OR9Q1: variants seen among roughly 807,000 people sequenced by gnomAD.
OR9Q1 encodes the protein olfactory receptor family 9 subfamily Q member 1.
For missense variants in OR9Q1, 374 were observed against 378.8 expected (o/e 0.99, Z 0.11); for synonymous variants, 153 against 148.6 (o/e 1.03, Z -0.22).
At chr11:58,053,728 A>T (rs1252202276) in intron 1 of OR9Q1, among the ~76,000 whole-genome samples, 1 of 137,958 alleles carries the variant, frequency 7.2e-6, no homozygotes, top group African/African-American at 2.5e-5. Context: ...GTATCTTTTC[A>T]GTGTATTCTA....
At chr11:58,172,137 C>T (rs766807680) in intron 2 of OR9Q1, among the ~76,000 whole-genome samples, 53 of 152,038 alleles carry the variant, frequency 3.5e-4, no homozygotes, top group Non-Finnish European at 7.2e-4. Flanking sequence ...TCCTGTATTT[C>T]CTTATATGAT....
At chr11:58,128,715 C>G (rs1854113047) in intron 2 of OR9Q1, among the ~76,000 whole-genome samples, 1 of 151,646 alleles carries the variant, frequency 6.6e-6, no homozygotes. Flanking sequence ...TTTTTTAAAC[C>G]TAAAAATACA....
At chr11:58,141,213 C>T (rs1430379783) in intron 2 of OR9Q1, among the ~76,000 whole-genome samples, 1 of 152,042 alleles carries the variant, frequency 6.6e-6, no homozygotes, top group Non-Finnish European at 1.5e-5. Flanking sequence ...CCTTTATTTC[C>T]TTCTCCTGCC....
intron 1 of OR9Q1, among the ~76,000 whole-genome samples, chr11:58,048,242 T>A (rs1425081780): frequency 2.6e-5 from 4 of 152,066 alleles, no homozygotes; most frequent in African/African-American, 9.7e-5. Context: ...CACAAAGAAG[T>A]GTGGCTGATA....
intron 2 of OR9Q1, among the ~76,000 whole-genome samples, chr11:58,092,930 G>T (rs574828751): frequency 2.0e-5 from 3 of 152,156 alleles, no homozygotes; most frequent in Non-Finnish European, 4.4e-5. Flanking sequence ...TGGATTAGAG[G>T]CAGGAAAGCA....
intron 2 of OR9Q1, among the ~76,000 whole-genome samples, chr11:58,137,058 G>A (rs958907169): frequency 1.3e-5 from 2 of 152,162 alleles, no homozygotes. Flanking sequence ...ACTGTTATTG[G>A]GCTAATGCAG....
Position 58,118,641 on chromosome 11 carries a change from C to T in OR9Q1, c.-14-60790C>T, listed in dbSNP as rs755627423. 5.6e-6 allele frequency: 9 copies of T among 1,613,916 alleles called. No individual in the cohort carries two copies. The Middle Eastern group carries it at 5.0e-4, about 89-fold the overall frequency. On this transcript the variant is annotated intron_variant, in intron 2 of 2. Transcript: ENST00000335397. Reference sequence around the variant, plus strand: ...AGACAGACACGACTTTGTCTTCCTCCAGAGATTTGCCTGAGCCACTTTGCA... The same window carrying T: ...AGACAGACACGACTTTGTCTTCCTCTAGAGATTTGCCTGAGCCACTTTGCA...
intron 2 of OR9Q1, among the ~76,000 whole-genome samples, chr11:58,079,289 A>G (rs561717583): frequency 6.6e-6 from 1 of 150,846 alleles, no homozygotes; most frequent in African/African-American, 2.4e-5. Flanking sequence ...TCTCAATTTT[A>G]GGGCTTTGCA....
intron 1 of OR9Q1, among the ~76,000 whole-genome samples, chr11:58,046,160 A>C (rs1853214249): frequency 6.6e-6 from 1 of 152,196 alleles, no homozygotes; most frequent in African/African-American, 2.4e-5. Context: ...AGATACCTGA[A>C]ACAGTACTGA....
chr11:58,172,277 A>G (rs1477919524), intron 2 of OR9Q1, among the ~76,000 whole-genome samples: 1 of 152,130 alleles, frequency 6.6e-6, no homozygotes, highest in Non-Finnish European at 1.5e-5. Flanking sequence ...TGGTCATCAC[A>G]ATTATTATTA....
At chr11:58,047,389 G>A in intron 1 of OR9Q1, 1 of 152,202 alleles carries the variant, frequency 6.6e-6, no homozygotes, top group East Asian at 1.9e-4. Flanking sequence ...AAGGTGCTCT[G>A]AAGTCAAAGT....
At chr11:58,084,730 A>G (rs142856033) in intron 2 of OR9Q1, among the ~76,000 whole-genome samples, 2 of 151,936 alleles carry the variant, frequency 1.3e-5, no homozygotes, top group Admixed American at 6.6e-5. Context: ...AGCTTTCTAT[A>G]AAATGCAACA....
chr11:58,113,338 G>C (rs1383647277), intron 2 of OR9Q1, among the ~76,000 whole-genome samples: 1 of 152,134 alleles, frequency 6.6e-6, no homozygotes, highest in Non-Finnish European at 1.5e-5. Context: ...CTCAACACTA[G>C]TGTCCCATTT....
chr11:58,161,995 G>C (rs375789198), intron 2 of OR9Q1, among the ~76,000 whole-genome samples: 1 of 152,172 alleles, frequency 6.6e-6, no homozygotes, highest in Non-Finnish European at 1.5e-5. Context: ...AGAGCTCCAC[G>C]TAGGTGCTAA....
At position 58,034,735 on chromosome 11, in the gene OR9Q1, T is replaced by TTCCTTCCTTCC. The variant is rs1853079294; in HGVS notation, c.-93+10632_-93+10633insCCTTCCTTCCT. On this transcript the variant is annotated intron_variant, in intron 1 of 2. Transcript: ENST00000335397. ...CACTGTCTGTCTTAAGGTTTCTTTC[T>TTCCTTCCTTCC]TTCCTTCCTTCCTTCCTTCCTTCCT... Among the ~76,000 whole-genome samples the TTCCTTCCTTCC allele has an allele frequency of 1.1e-4, 12 of 111,474 alleles. No individual in the cohort carries two copies. In the South Asian group the frequency reaches 2.0e-3, roughly 19 times the overall value. The allele number at this position is 111,474 out of a possible 152,430, so 73.1% of individuals were successfully genotyped here. A position where few individuals can be genotyped will look rare whatever the true frequency, so the allele number is the denominator to read the frequency against.
At chr11:58,080,190 T>A (rs138246614) in intron 2 of OR9Q1, among the ~76,000 whole-genome samples, 37 of 152,280 alleles carry the variant, frequency 2.4e-4, no homozygotes, top group Non-Finnish European at 1.2e-4. Flanking sequence ...CCATTGTTTA[T>A]GTCCATGTGT....
At chr11:58,160,438 TTTGTTG>T (rs138422584) in intron 2 of OR9Q1, among the ~76,000 whole-genome samples, 36,939 of 150,048 alleles carry the variant, frequency 0.25, 5,630 homozygotes, top group East Asian at 0.6. Context: ...GAGTAGAATA[TTTGTTG>T]TTGTTGTTGT....
At chr11:58,071,133 G>C (rs777516994) in intron 2 of OR9Q1, among the ~76,000 whole-genome samples, 1 of 152,184 alleles carries the variant, frequency 6.6e-6, no homozygotes, top group Non-Finnish European at 1.5e-5. Context: ...TCTAAGGTCT[G>C]CCCTTGCCTT....
chr11:58,128,132 G>T (rs556532414), intron 2 of OR9Q1, among the ~76,000 whole-genome samples: 1 of 151,130 alleles, frequency 6.6e-6, no homozygotes, highest in Non-Finnish European at 1.5e-5. Flanking sequence ...TTATGAAAAG[G>T]GTATCACTTT....
Sources: gnomAD v4.1 joint callset for allele counts (sites outside exome capture counted in the v4.1 genomes callset) on GRCh38, gnomAD v4.1.1 for gene constraint, MANE v1.5 for transcripts, NCBI Gene and HGNC (gene_info 2026-07-23, HGNC 2026-07-21) for gene names.